The following MORC3 variants were observed in gnomAD, a reference collection of about 807,000 sequenced individuals.
MORC3 encodes MORC family CW-type zinc finger protein 3.
MORC3 carries 31 observed loss-of-function variants against 109.1 expected under a neutral mutation model. The observed-to-expected ratio is 0.28, with a 90% CI of 0.21 to 0.38. The LOEUF is 0.38. Among genes scored for constraint, MORC3 ranks in the 10% least tolerant of loss-of-function variants. The pLI is 1.00. For missense variants in MORC3, 867 were observed against 1,135.8 expected, an observed-to-expected ratio of 0.76 and a Z score of 3.40; for synonymous variants, 395 against 380.7, an observed-to-expected ratio of 1.04 and a Z score of -0.44.
intron 1 of MORC3, among the ~76,000 whole-genome samples, chr21:36,323,952 C>T (rs1229619915): frequency 3.3e-5 from 5 of 151,596 alleles, no homozygotes; most frequent in Non-Finnish European, 7.4e-5. Context: ...CTCGGCTCAC[C>T]GCAACCCCTG....
At chr21:36,351,057 C>CTTTTTTTTTTTT (rs748042243) in intron 9 of MORC3, among the ~76,000 whole-genome samples, 1 of 71,428 alleles carries the variant, frequency 1.4e-5, no homozygotes, top group Non-Finnish European at 2.6e-5. Context: ...GGTTGTCCTC[C>CTTTTTTTTTTTT]TTTTTTTTTT....
At chr21:36,351,358 G>A (rs1230316293) in intron 9 of MORC3, among the ~76,000 whole-genome samples, 3 of 151,998 alleles carry the variant, frequency 2.0e-5, no homozygotes, top group Non-Finnish European at 2.9e-5. Context: ...GAGCCACCAC[G>A]CCCGGCCCTG....
rs573138554 is a variant in MORC3, at chr21:36,360,760, G to A, written c.1406+502G>A. 131 of 164,916 alleles carry A rather than the reference G, an allele frequency of 7.9e-4. 1 individual carries two copies. The highest frequency in any genetic ancestry group is 1.5e-3 in the Non-Finnish European group (112 of 75,514). 10.2% of individuals were successfully genotyped at this position (164,916 alleles called of 1,614,324 possible). ...AGGATGGGTACGATGAGAATGTACA[G>A]GGAATAAACATTTACTCAGTGTAGC... On this transcript the variant is annotated intron_variant, in intron 12 of 16. Coordinates refer to ENST00000400485, the MANE Select transcript of MORC3 (RefSeq NM_015358.3).
chr21:36,355,394 A>C (rs940603823), intron 9 of MORC3, among the ~76,000 whole-genome samples: 1 of 152,152 alleles, frequency 6.6e-6, no homozygotes, highest in Non-Finnish European at 1.5e-5. Flanking sequence ...CAGTCAGAAA[A>C]AGAATTTCTC....
At position 36,344,147 on chromosome 21, in the gene MORC3, T is replaced by TG. The variant is rs200459547; in HGVS notation, c.757-425dup. ...TGTGTTGAATCTTTTTTTTTTGAGG[T>TG]GGGGGGGTCTCCCTCTGTCCCCCAC... On this transcript the variant is annotated intron_variant, in intron 6 of 16. Coordinates refer to ENST00000400485, the MANE Select transcript of MORC3 (RefSeq NM_015358.3). Among the ~76,000 whole-genome samples the TG allele has an allele frequency of 4.7e-3, 716 of 151,558 alleles. 5 individuals carry two copies. Among genetic ancestry groups the TG allele is most frequent in the African/African-American group, 0.016 (654 of 41,338 alleles).
chr21:36,331,307 G>A (rs968472174), intron 1 of MORC3, among the ~76,000 whole-genome samples: 1 of 151,926 alleles, frequency 6.6e-6, no homozygotes, highest in South Asian at 2.1e-4. Context: ...AAAACTACTT[G>A]TGTGTTTTTG....
intron 9 of MORC3, among the ~76,000 whole-genome samples, chr21:36,354,550 G>A (rs111724970): frequency 7.2e-4 from 109 of 152,034 alleles, no homozygotes; most frequent in African/African-American, 2.4e-3. Context: ...TGATCCGCCC[G>A]CCTCTGTCTT....
At chr21:36,330,737 A>G (rs1026858163) in intron 1 of MORC3, among the ~76,000 whole-genome samples, 1 of 152,228 alleles carries the variant, frequency 6.6e-6, no homozygotes, top group South Asian at 2.1e-4. Context: ...GGAGGAGTGT[A>G]TCATTCTTTT....
chr21:36,373,425 A>G (rs1209043111), intron 16 of MORC3, among the ~76,000 whole-genome samples: 1 of 152,052 alleles, frequency 6.6e-6, no homozygotes, highest in East Asian at 1.9e-4. Context: ...GGAGTTCGAG[A>G]CCAGCCTGAC....
chr21:36,354,812 TG>T (rs886067789), intron 9 of MORC3, among the ~76,000 whole-genome samples: 10 of 152,352 alleles, frequency 6.6e-5, no homozygotes, highest in African/African-American at 2.4e-4. Context: ...TGTCTAACAC[TG>T]GTTCAGAAAC....
At chr21:36,340,730 G>A (rs188388658) in intron 5 of MORC3, among the ~76,000 whole-genome samples, 278 of 148,126 alleles carry the variant, frequency 1.9e-3, no homozygotes, top group South Asian at 6.5e-3. Flanking sequence ...TCCGCCCACC[G>A]GGTTCAAGCG....
At chr21:36,373,014 G>C (rs563022705) in intron 16 of MORC3, among the ~76,000 whole-genome samples, 1 of 152,102 alleles carries the variant, frequency 6.6e-6, no homozygotes, top group Non-Finnish European at 1.5e-5. Flanking sequence ...AATTGCCATA[G>C]TACAGATGAT....
At chr21:36,338,719 A>G in intron 4 of MORC3, 55 bp from the exon 5 acceptor site, 3 of 1,486,228 alleles carry the variant, frequency 2.0e-6, no homozygotes, top group African/African-American at 1.4e-5. Context: ...GTTAGTTTTC[A>G]TATTGTAATT....
chr21:36,370,658 T>A (rs1601543218), intron 15 of MORC3, among the ~76,000 whole-genome samples: 4 of 113,864 alleles, frequency 3.5e-5, no homozygotes, highest in Non-Finnish European at 5.3e-5. Context: ...TTTTTTTTTT[T>A]TTTTTTTTTT....
rs2085490241 is a variant in MORC3 at position 36,344,834 on chromosome 21, C to T, written c.886-78C>T. 4 of 1,600,412 alleles carry T rather than the reference C, an allele frequency of 2.5e-6. No homozygotes were observed. The East Asian group carries it at 8.9e-5, about 36-fold the overall frequency. On this transcript the variant is annotated intron_variant, in intron 7 of 16. Coordinates refer to ENST00000400485, the MANE Select transcript of MORC3 (RefSeq NM_015358.3). ...TTGCCCTCCTTTGTGTGCTTTTGGA[C>T]TTACCAAATAATGAAATAGAAAGGA... is the stretch of plus-strand genomic sequence containing the variant.
intron 8 of MORC3, among the ~76,000 whole-genome samples, chr21:36,348,925 C>G (rs538362725): frequency 1.3e-5 from 2 of 151,842 alleles, no homozygotes; most frequent in African/African-American, 2.4e-5. Flanking sequence ...TTTGGGAGGC[C>G]GAGGCTGGTG....
At position 36,376,395 on chromosome 21, in the gene MORC3, G is replaced by C. The variant is rs2146350504; in HGVS notation, c.*1099G>C. On this transcript the variant is annotated 3_prime_UTR_variant, in exon 17 of 17. Coordinates refer to ENST00000400485, the MANE Select transcript of MORC3 (RefSeq NM_015358.3). ...ATCATTGCTATTTATTTTTACCTTT[G>C]TTTTTGAACATTCAATCCGTTCATT... is the stretch of plus-strand genomic sequence containing the variant. 6.6e-6 allele frequency: 1 copy of C among 152,342 alleles called. No individual in the cohort carries two copies. Among genetic ancestry groups the C allele is most frequent in the East Asian group, 1.9e-4 (1 of 5,172 alleles). 9.4% of individuals were successfully genotyped at this position (152,342 alleles called of 1,614,324 possible).
rs368104836 is a variant in MORC3 at position 36,374,360 on chromosome 21, G to C, written c.2667-783G>C. 2.8e-3 allele frequency among the ~76,000 whole-genome samples: 432 copies of C among 152,122 alleles called. 2 individuals carry two copies. The highest frequency in any genetic ancestry group is 0.02 in the Middle Eastern group (6 of 294). On this transcript the variant is annotated intron_variant, in intron 16 of 16. Coordinates refer to ENST00000400485, the MANE Select transcript of MORC3 (RefSeq NM_015358.3). Reference sequence around the variant, plus strand: ...CCCGCCTCAGCCTCCCAAAGTGCTGGGATTACAGGCGTGAACCTCTGTGCC... The same window carrying C: ...CCCGCCTCAGCCTCCCAAAGTGCTGCGATTACAGGCGTGAACCTCTGTGCC...
intron 9 of MORC3, 131 bp downstream of exon 9, chr21:36,349,539 T>G: frequency 1.9e-6 from 1 of 522,936 alleles, no homozygotes; most frequent in Non-Finnish European, 3.2e-6. Context: ...ATACTACTTG[T>G]GATGGTGTAG....
Sources: allele counts gnomAD v4.1 joint callset (sites outside exome capture counted in the v4.1 genomes callset), GRCh38; gene constraint gnomAD v4.1.1; transcripts MANE v1.5; gene names NCBI Gene and HGNC (gene_info 2026-07-23, HGNC 2026-07-21).